Variants in SMG7 observed in about 807,000 individuals in gnomAD.
The protein encoded by SMG7 is SMG7 nonsense mediated mRNA decay factor.
SMG7 carries 34 observed loss-of-function variants against 148.2 expected under a neutral mutation model. The observed-to-expected ratio is 0.23, with a 90% CI of 0.17 to 0.31. SMG7 has a LOEUF of 0.31. SMG7 is among the 10% of genes least tolerant of loss of function. SMG7 has a pLI of 1.00. For synonymous variants in SMG7, 492 were observed against 515.1 expected (o/e 0.96, Z 0.61); for missense variants, 1,114 against 1,408.4 (o/e 0.79, Z 3.35).
intron 4 of SMG7, among the ~76,000 whole-genome samples, chr1:183,525,187 T>C (rs1437914403): frequency 1.3e-5 from 2 of 152,132 alleles, no homozygotes; most frequent in Non-Finnish European, 2.9e-5. Flanking sequence ...GAAAAGCCTT[T>C]CTATGAAGGA....
chr1:183,472,619 G>T lies in SMG7; in HGVS notation c.-2G>T. The T allele has an allele frequency of 6.9e-7, 1 of 1,456,124 alleles. No individual in the cohort carries two copies. The highest frequency in any genetic ancestry group is 1.4e-5 in the South Asian group (1 of 74,036). 90.2% of individuals were successfully genotyped at this position (1,456,124 alleles called of 1,614,324 possible). ...GGGAAGACGCGGCGGCGGCGGCGGA[G>T]GATGAGCCTGCAGAGCGCGCAGTAC... On this transcript the variant is annotated 5_prime_UTR_variant, in exon 1 of 23. It adds an upstream start codon to the 5' untranslated region. Coordinates refer to ENST00000688051, the MANE Select transcript of SMG7 (RefSeq NM_001375584.1).
In SMG7 at chr1:183,551,932, G is replaced by A. The variant is rs1340918141; in HGVS notation, c.*1G>A. 1 of 1,612,982 alleles carries A rather than the reference G, an allele frequency of 6.2e-7. No individual in the cohort carries two copies. The highest frequency in any genetic ancestry group is 8.5e-7 in the Non-Finnish European group (1 of 1,179,434). ...AGGCACCATGAACCCTCCACACTGAGGCCAAAGTGGCAACCTGGGAATGAA... is the reference window on the plus strand; with the variant it reads ...AGGCACCATGAACCCTCCACACTGAAGCCAAAGTGGCAACCTGGGAATGAA... On this transcript the variant is annotated 3_prime_UTR_variant, in exon 23 of 23. Coordinates refer to ENST00000688051, the MANE Select transcript of SMG7 (RefSeq NM_001375584.1).
chr1:183,515,287 C>T (rs139831691), intron 2 of SMG7, among the ~76,000 whole-genome samples: 70 of 152,156 alleles, frequency 4.6e-4, no homozygotes, highest in Middle Eastern at 3.4e-3. Context: ...AACAGTCTAC[C>T]GCTCATTAAA....
In SMG7 at chr1:183,550,733, G is replaced by A; in HGVS notation, c.3134-18G>A. 1 of 1,612,404 alleles carries A rather than the reference G, an allele frequency of 6.2e-7. No individual in the cohort carries two copies. The highest frequency in any genetic ancestry group is 8.5e-7 in the Non-Finnish European group (1 of 1,178,632). On this transcript the variant is annotated intron_variant, in intron 20 of 22. Transcript: ENST00000688051. ...GAAACAATGATTTACTATATCCTGT[G>A]TTGCTATTATTTAATAGATCATTCA...
intron 7 of SMG7, among the ~76,000 whole-genome samples, 164 bp downstream of exon 7, chr1:183,529,206 C>A (rs1358708868): frequency 6.6e-6 from 1 of 152,152 alleles, no homozygotes; most frequent in African/African-American, 2.4e-5. Context: ...TTCATCCAAT[C>A]AATATCTGAT....
intron 1 of SMG7, among the ~76,000 whole-genome samples, chr1:183,496,110 A>G (rs1189472110): frequency 6.6e-6 from 1 of 152,200 alleles, no homozygotes; most frequent in African/African-American, 2.4e-5. Flanking sequence ...TAATCATAAA[A>G]TTGGAAAAAT....
At chr1:183,519,641 A>G (rs1304877672) in intron 4 of SMG7, among the ~76,000 whole-genome samples, 1 of 152,278 alleles carries the variant, frequency 6.6e-6, no homozygotes. Flanking sequence ...GAATTATACA[A>G]AGTCCCAAAA....
intron 6 of SMG7, among the ~76,000 whole-genome samples, chr1:183,528,632 C>T (rs1666322758): frequency 1.3e-5 from 2 of 152,138 alleles, no homozygotes; most frequent in African/African-American, 4.8e-5. Context: ...CTTTGGCCTA[C>T]AAAACTGAAA....
Position 183,537,174 on chromosome 1 carries a change from A to G in SMG7, c.1193A>G (p.Asn398Ser). The G allele has an allele frequency of 1.2e-6, 2 of 1,613,046 alleles. No homozygotes were observed. Among genetic ancestry groups the G allele is most frequent in the Non-Finnish European group, 8.5e-7 (1 of 1,179,148 alleles). ...TGGCCCTGGTTGATTTCTCTTCTGA[A>G]TAGTTTCCATCCCCATGAAGAGGAC... ...YIWPWLISLL[N>S]SFHPHEEDLS... Residue 398 changes from asparagine to serine, a missense_variant, in exon 11 of 23, where the codon AAT (asparagine) becomes AGT (serine). Physicochemically the swap from Asn to Ser is conservative, Grantham distance 46. This residue lies in a region of SMG7 where 102 missense variants were observed against 147.2 expected (regional missense o/e 0.69). Transcript: ENST00000688051.
intron 1 of SMG7, among the ~76,000 whole-genome samples, chr1:183,476,507 A>G (rs1362856601): frequency 6.6e-6 from 1 of 152,226 alleles, no homozygotes; most frequent in Non-Finnish European, 1.5e-5. Context: ...AAATGAAGAT[A>G]GGAGGCAAGA....
At chr1:183,489,586 G>A (rs1656416272) in intron 1 of SMG7, among the ~76,000 whole-genome samples, 1 of 152,130 alleles carries the variant, frequency 6.6e-6, no homozygotes. Flanking sequence ...AATATCTATG[G>A]TGAGATGCCA....
rs1008714546 is a variant in SMG7, at chr1:183,518,280, T to TA, written c.312+471dup. Among the ~76,000 whole-genome samples, 451 of 144,682 alleles carry TA rather than the reference T, an allele frequency of 3.1e-3. 2 individuals are homozygous for TA. Among genetic ancestry groups the TA allele is most frequent in the African/African-American group, 9.9e-3 (390 of 39,578 alleles). The allele number at this position is 144,682 out of a possible 152,430, so 94.9% of individuals were successfully genotyped here. ...TCAATGCAAATGTCCATAAGACCTT[T>TA]AAAAAAAAAAACGCTGTGCTTTTAA... On this transcript the variant is annotated intron_variant, in intron 4 of 22. Transcript: ENST00000688051.
chr1:183,513,272 A>C (rs1310522148), intron 2 of SMG7: 1 of 158,228 alleles, frequency 6.3e-6, no homozygotes, highest in Non-Finnish European at 1.4e-5. Context: ...TTAGTAGGTA[A>C]ACCTTCAGAA....
At chr1:183,528,205 G>C (rs1666232423) in intron 6 of SMG7, among the ~76,000 whole-genome samples, 178 bp downstream of exon 6, 1 of 151,962 alleles carries the variant, frequency 6.6e-6, no homozygotes, top group African/African-American at 2.4e-5. Context: ...TTTTTTACAA[G>C]TAAGATGACT....
In SMG7 at chr1:183,553,616, C is replaced by T. The variant is rs577336586; in HGVS notation, c.*1685C>T. ...CAGAGAGAGTGGTTGGAGCCCCCCC[C>T]GCCCCGTATGCTTACATTATTGCTC... is the stretch of plus-strand genomic sequence containing the variant. On this transcript the variant is annotated 3_prime_UTR_variant, in exon 23 of 23. Transcript: ENST00000688051. 175 of 156,612 alleles carry T rather than the reference C, an allele frequency of 1.1e-3. 20 individuals are homozygous for T. The East Asian group carries it at 0.03, about 27-fold the overall frequency. The allele number at this position is 156,612 out of a possible 1,614,324, so 9.7% of individuals were successfully genotyped here.
intron 5 of SMG7, 138 bp downstream of exon 5, chr1:183,526,905 C>A: frequency 1.6e-6 from 1 of 643,738 alleles, no homozygotes; most frequent in Non-Finnish European, 2.4e-6. Flanking sequence ...AAAATGTATT[C>A]TAAGGAACTT....
chr1:183,489,497 C>G (rs910411127), intron 1 of SMG7, among the ~76,000 whole-genome samples: 2 of 152,016 alleles, frequency 1.3e-5, no homozygotes, highest in African/African-American at 4.8e-5. Flanking sequence ...GAGATTGATT[C>G]ATCGATGATA....
At position 183,542,485 on chromosome 1, in the gene SMG7, C is replaced by G. The variant is rs1351170890; in HGVS notation, c.1825C>G (p.Gln609Glu). Residue 609 changes from glutamine to glutamate, a missense_variant, in exon 14 of 23, where the codon CAG becomes GAG. Around this residue, in one of 4 missense-constraint regions of SMG7, gnomAD observed 788 missense variants for 894.5 expected, o/e 0.88. Transcript: ENST00000688051. ...TLEKLQETGK[Q>E]NVAVQVKSQT... is the part of the protein sequence containing the mutation. ...AGAAAAGTTACAGGAAACAGGAAAG[C>G]AGAATGTGGCAGTGCAGGTAAGCTG... is the stretch of plus-strand genomic sequence containing the variant. 6.2e-7 allele frequency: 1 copy of G among 1,612,998 alleles called. No homozygotes were observed. The highest frequency in any genetic ancestry group is 1.7e-5 in the Admixed American group (1 of 59,842).
Position 183,553,329 on chromosome 1 carries a change from TC to T in SMG7, c.*1399del. 9.9e-7 allele frequency: 1 copy of T among 1,007,656 alleles called. No individual in the cohort carries two copies. Among genetic ancestry groups the T allele is most frequent in the Non-Finnish European group, 1.4e-6 (1 of 706,656 alleles). The allele number at this position is 1,007,656 out of a possible 1,614,324, so 62.4% of individuals were successfully genotyped here. A position where few individuals can be genotyped will look rare whatever the true frequency, so the allele number is the denominator to read the frequency against. On this transcript the variant is annotated 3_prime_UTR_variant, in exon 23 of 23. Coordinates refer to ENST00000688051, the MANE Select transcript of SMG7 (RefSeq NM_001375584.1). Reference sequence around the variant, plus strand: ...TTTTAAGGGGAAATTATGGAAACAATCTAATTGTTCAATTGCTGTGCTAGTG... The same window carrying T: ...TTTTAAGGGGAAATTATGGAAACAATTAATTGTTCAATTGCTGTGCTAGTG...
Sources: gnomAD v4.1 joint callset for allele counts (sites outside exome capture counted in the v4.1 genomes callset) on GRCh38, gnomAD v4.1.1 for gene constraint, gnomAD v4.1.1 regional missense constraint, MANE v1.5 for transcripts, NCBI Gene and HGNC (gene_info 2026-07-23, HGNC 2026-07-21) for gene names.